Variants in DEFB1 observed in about 807,000 individuals in gnomAD.
DEFB1 encodes beta-defensin 1.
DEFB1 carries 4 observed loss-of-function variants against 2.6 expected under a neutral mutation model. That is an observed-to-expected ratio of 1.53 (90% confidence interval 0.76 to 3.51). The LOEUF (loss-of-function observed/expected upper bound fraction) is 3.51. Ranked by LOEUF, DEFB1 falls within the 30% of genes most tolerant of loss-of-function variation. The pLI is 0.01. For missense variants in DEFB1, 162 were observed against 76.9 expected, an observed-to-expected ratio of 2.11 and a Z score of -4.14; for synonymous variants, 56 against 28.5, an observed-to-expected ratio of 1.96 and a Z score of -3.07.
At chr8:6,874,670 GA>G (rs1257402683) in intron 1 of DEFB1, among the ~76,000 whole-genome samples, 1 of 152,166 alleles carries the variant, frequency 6.6e-6, no homozygotes, top group Non-Finnish European at 1.5e-5. Context: ...GAACAGTGGG[GA>G]AAAATAGTCT....
rs1180385507 is a variant in DEFB1 at position 6,877,893 on chromosome 8, T to C, written c.-36A>G. 1 of 1,606,326 alleles carries C rather than the reference T, an allele frequency of 6.2e-7. No individual in the cohort carries two copies. Among genetic ancestry groups the C allele is most frequent in the Admixed American group, 1.7e-5 (1 of 59,994 alleles). On this transcript the variant is annotated 5_prime_UTR_variant, in exon 1 of 2. Coordinates refer to ENST00000297439, the MANE Select transcript of DEFB1 (RefSeq NM_005218.4). The stretch of plus-strand genomic sequence containing the variant: ...AGGCAACACCCAGGATTTCAGGAAC[T>C]GGGGAGACGCTGGCTCCTTTGGAGG...
intron 1 of DEFB1, among the ~76,000 whole-genome samples, chr8:6,872,119 C>G (rs1429923952): frequency 6.6e-6 from 1 of 152,120 alleles, no homozygotes; most frequent in Non-Finnish European, 1.5e-5. Flanking sequence ...TTTCTGGTCC[C>G]TTCCCAAACC....
In DEFB1 at chr8:6,877,858, G is replaced by A. The variant is rs113289848; in HGVS notation, c.-1C>T. The A allele has an allele frequency of 9.3e-6, 15 of 1,613,826 alleles. No individual in the cohort carries two copies. The Middle Eastern group carries it at 4.9e-4, about 53-fold the overall frequency. ...ACAGCAGAAGGTAGGAAGTTCTCAT[G>A]GCGACTGGCAGGCAACACCCAGGAT... On this transcript the variant is annotated 5_prime_UTR_variant, in exon 1 of 2. Coordinates refer to ENST00000297439, the MANE Select transcript of DEFB1 (RefSeq NM_005218.4).
chr8:6,873,827 G>C (rs986987944), intron 1 of DEFB1, among the ~76,000 whole-genome samples: 5 of 152,200 alleles, frequency 3.3e-5, no homozygotes, highest in Non-Finnish European at 7.3e-5. Flanking sequence ...AGGTGACACT[G>C]AAGCTTCTGG....
chr8:6,877,314 C>A (rs956213438), intron 1 of DEFB1, among the ~76,000 whole-genome samples: 1 of 152,228 alleles, frequency 6.6e-6, no homozygotes, highest in Non-Finnish European at 1.5e-5. Context: ...GAGAGGACCG[C>A]CTGCCTGCAC....
chr8:6,870,966 T>G, intron 1 of DEFB1, 140 bp from the exon 2 acceptor site: 18 of 958,622 alleles, frequency 1.9e-5, no homozygotes, highest in Non-Finnish European at 2.6e-5. Context: ...GATTGATCTT[T>G]GGGGCTACTC....
chr8:6,871,384 T>A (rs906622530), intron 1 of DEFB1, among the ~76,000 whole-genome samples: 3 of 152,140 alleles, frequency 2.0e-5, no homozygotes, highest in African/African-American at 7.2e-5. Flanking sequence ...TACTTGGACT[T>A]TATTTTGCCC....
chr8:6,873,981 A>T (rs2927345), intron 1 of DEFB1, among the ~76,000 whole-genome samples: 1 of 152,058 alleles, frequency 6.6e-6, no homozygotes, highest in Non-Finnish European at 1.5e-5. Context: ...ACCTTGTGTT[A>T]GATATTGCTG....
chr8:6,876,278 C>A (rs5743439), intron 1 of DEFB1, among the ~76,000 whole-genome samples: 125,088 of 152,024 alleles, frequency 0.82, 51,677 homozygotes, highest in Middle Eastern at 0.89. Context: ...AGTTAAAGAC[C>A]AGCATGACCA....
intron 1 of DEFB1, among the ~76,000 whole-genome samples, chr8:6,876,005 C>G (rs1039083618): frequency 6.6e-6 from 1 of 152,056 alleles, no homozygotes; most frequent in Non-Finnish European, 1.5e-5. Flanking sequence ...AACAAAAATT[C>G]TTTATGTTAA....
chr8:6,877,493 C>G (rs1196023923), intron 1 of DEFB1, among the ~76,000 whole-genome samples: 1 of 152,208 alleles, frequency 6.6e-6, no homozygotes, highest in African/African-American at 2.4e-5. Context: ...AGTCGTCTTG[C>G]AGGGGAAGCA....
intron 1 of DEFB1, among the ~76,000 whole-genome samples, chr8:6,871,192 A>G (rs879928595): frequency 1.3e-5 from 2 of 152,236 alleles, no homozygotes; most frequent in Non-Finnish European, 2.9e-5. Context: ...ATGTGGAAGC[A>G]GCTGCCACTC....
chr8:6,873,950 A>G (rs1379083697), intron 1 of DEFB1, among the ~76,000 whole-genome samples: 2 of 151,998 alleles, frequency 1.3e-5, no homozygotes, highest in Non-Finnish European at 2.9e-5. Context: ...TGCCTTTAAC[A>G]TTTTCATGAC....
chr8:6,870,745 G>A lies in DEFB1; in HGVS notation c.143C>T (p.Ala48Val), dbSNP rs1800967. The stretch of plus-strand genomic sequence containing the variant: ...TTGAATTTTGGTAAAGATCGGGCAG[G>A]CAGAATAGAGACATTGCCCTCCACT... ...VSSGGQCLYSACPIFTKIQGT... is the reference protein window; with the variant it reads ...VSSGGQCLYSVCPIFTKIQGT... Residue 48 changes from alanine to valine, a missense_variant, in exon 2 of 2, where the codon GCC becomes GTC. Transcript: ENST00000297439. 712 of 1,614,228 alleles carry A rather than the reference G, an allele frequency of 4.4e-4. 8 individuals carry two copies. The East Asian group carries it at 0.011, about 24-fold the overall frequency.
intron 1 of DEFB1, 134 bp from the exon 2 acceptor site, chr8:6,870,960 G>A: frequency 1.0e-6 from 1 of 986,218 alleles, no homozygotes; most frequent in Non-Finnish European, 1.4e-6. Context: ...GCCCATGATT[G>A]ATCTTTGGGG....
intron 1 of DEFB1, among the ~76,000 whole-genome samples, chr8:6,877,170 G>A (rs908797347): frequency 2.6e-5 from 4 of 152,170 alleles, no homozygotes; most frequent in Non-Finnish European, 4.4e-5. Flanking sequence ...CCTCCTGCAC[G>A]TCCCACCATC....
At chr8:6,874,129 ACACACACACACACACACG>A (rs200487645) in intron 1 of DEFB1, among the ~76,000 whole-genome samples, 42,672 of 137,112 alleles carry the variant, frequency 0.31, 6,196 homozygotes, top group East Asian at 0.45. Context: ...ACACACACAC[ACACACACACACACACACG>A]CACACACACG....
rs965361453 is a variant in DEFB1 at position 6,877,727 on chromosome 8, C to T, written c.61+70G>A. ...TCCCTTGGGACACGGAGGCAGCCAT[C>T]CGAGACTCACATCAGCCCCATTGTC... On this transcript the variant is annotated intron_variant, in intron 1 of 1. Coordinates refer to ENST00000297439, the MANE Select transcript of DEFB1 (RefSeq NM_005218.4). 6 of 1,404,350 alleles carry T rather than the reference C, an allele frequency of 4.3e-6. No homozygotes were observed. In the African/African-American group the frequency reaches 8.5e-5, roughly 20 times the overall value. The allele number at this position is 1,404,350 out of a possible 1,614,324, so 87.0% of individuals were successfully genotyped here.
At chr8:6,871,633 G>T (rs142560229) in intron 1 of DEFB1, among the ~76,000 whole-genome samples, 10 of 152,308 alleles carry the variant, frequency 6.6e-5, no homozygotes, top group Non-Finnish European at 1.2e-4. Flanking sequence ...AAACTTTAAA[G>T]AGGTGATTCA....
Sources: gnomAD v4.1 joint callset for allele counts (sites outside exome capture counted in the v4.1 genomes callset) on GRCh38, gnomAD v4.1.1 for gene constraint, MANE v1.5 for transcripts, NCBI Gene and HGNC (gene_info 2026-07-23, HGNC 2026-07-21) for gene names.